The following WDR17 variants were observed in gnomAD, a reference collection of about 807,000 sequenced individuals.
The protein encoded by WDR17 is WD repeat-containing protein 17.
WDR17 carries 143 observed loss-of-function variants against 161.7 expected under a neutral mutation model. That is an observed-to-expected ratio of 0.88 (90% CI 0.77 to 1.02). The LOEUF (loss-of-function observed/expected upper bound fraction) is 1.02. Among genes scored for constraint, WDR17 ranks in the 50% least tolerant of loss-of-function variants. WDR17 has a pLI of 0.00. For synonymous variants in WDR17, 517 were observed against 515.6 expected, an observed-to-expected ratio of 1.00 and a Z score of -0.04; for missense variants, 1,469 against 1,520.9, an observed-to-expected ratio of 0.97 and a Z score of 0.57.
At chr4:176,106,793 C>A (rs1331837176) in intron 1 of WDR17, among the ~76,000 whole-genome samples, 1 of 151,978 alleles carries the variant, frequency 6.6e-6, no homozygotes, top group African/African-American at 2.4e-5. Flanking sequence ...GTTTCAACAA[C>A]AACAGAAAAT....
intron 1 of WDR17, among the ~76,000 whole-genome samples, chr4:176,078,698 TCTA>T (rs1561069580): frequency 2.0e-5 from 3 of 152,104 alleles, no homozygotes; most frequent in Admixed American, 6.6e-5. Flanking sequence ...TCTCTCCAAT[TCTA>T]CTCATATTTT....
intron 23 of WDR17, among the ~76,000 whole-genome samples, chr4:176,171,901 G>T (rs1185544211): frequency 6.6e-6 from 1 of 151,978 alleles, no homozygotes; most frequent in Non-Finnish European, 1.5e-5. Context: ...CATTTTTTGT[G>T]TCTCTGAAAT....
chr4:176,120,022 T>C lies in WDR17; in HGVS notation c.463T>C (p.Phe155Leu). The change falls in exon 4 of 29, where the codon TTC (phenylalanine) becomes CTC (leucine). Residue 155 changes from phenylalanine (F) to leucine (L), a missense_variant. By Grantham distance (22) the Phe-to-Leu change is conservative. Transcript: ENST00000508596. Reference protein sequence around the residue: ...AHSFLSDICMFRWHTHQKGKV... With the variant: ...AHSFLSDICMLRWHTHQKGKV... Reference sequence around the variant, plus strand: ...TAGCTTCTTGTCTGATATCTGTATGTTCAGATGGCATACACACCAAAAGGG... The same window carrying C: ...TAGCTTCTTGTCTGATATCTGTATGCTCAGATGGCATACACACCAAAAGGG... The C allele has an allele frequency of 6.2e-7, 1 of 1,614,078 alleles. No individual in the cohort carries two copies. The highest frequency in any genetic ancestry group is 8.5e-7 in the Non-Finnish European group (1 of 1,179,984).
rs922470122 is a variant in WDR17, at chr4:176,078,213, A to G, written c.-7+12134A>G. Among the ~76,000 whole-genome samples the G allele has an allele frequency of 4.6e-5, 7 of 152,176 alleles. No homozygotes were observed. In the East Asian group the frequency reaches 7.7e-4, roughly 17 times the overall value. On this transcript the variant is annotated intron_variant, in intron 1 of 28. Transcript: ENST00000508596. ...AGTGGATTGTTTTTAGTTTTTGACT[A>G]TTATAAATAAATGTTTGAATATTTA...
chr4:176,162,300 A>G, intron 21 of WDR17, 126 bp downstream of exon 21: 2 of 702,250 alleles, frequency 2.8e-6, no homozygotes, highest in South Asian at 4.0e-5. Flanking sequence ...AGCCTGAGTA[A>G]TTAAGTAATT....
chr4:176,107,836 T>TCCTTCCTTC (rs1290897159), intron 1 of WDR17, among the ~76,000 whole-genome samples: 24 of 151,490 alleles, frequency 1.6e-4, no homozygotes, highest in South Asian at 6.3e-4. Flanking sequence ...TTCCTTCCTT[T>TCCTTCCTTC]CCTTCCTTCC....
At chr4:176,119,829 T>C (rs760532137) in intron 3 of WDR17, 38 bp from the exon 4 acceptor site, 2 of 1,549,320 alleles carry the variant, frequency 1.3e-6, no homozygotes, top group South Asian at 2.2e-5. Context: ...AATCTTATGC[T>C]GTATCTTTAT....
intron 1 of WDR17, among the ~76,000 whole-genome samples, chr4:176,082,847 AT>A (rs70962449): frequency 0.065 from 9,840 of 152,220 alleles, 439 homozygotes; most frequent in Non-Finnish European, 0.094. Flanking sequence ...AATAGCAAAG[AT>A]GAAGATGAAT....
At position 176,167,607 on chromosome 4, in the gene WDR17, A is replaced by G. The variant is rs1006070712; in HGVS notation, c.2991-1065A>G. Among the ~76,000 whole-genome samples the G allele has an allele frequency of 8.6e-5, 11 of 127,442 alleles. No homozygotes were observed. The Admixed American group carries it at 9.5e-4, about 11-fold the overall frequency. 83.6% of individuals were successfully genotyped at this position (127,442 alleles called of 152,430 possible). ...GCCTGCAGTGAGCCGAGATTGCGCCACTGCACTCCAGCCTGGGCGACAGCG... is the reference window on the plus strand; with the variant it reads ...GCCTGCAGTGAGCCGAGATTGCGCCGCTGCACTCCAGCCTGGGCGACAGCG... On this transcript the variant is annotated intron_variant, in intron 22 of 28. Transcript: ENST00000508596.
rs370421308 is a variant in WDR17, at chr4:176,130,652, A to G, written c.914-902A>G. On this transcript the variant is annotated intron_variant, in intron 6 of 28. Transcript: ENST00000508596. The stretch of plus-strand genomic sequence containing the variant: ...CCCAGCTACTGGGGAGGCTGAGGCA[A>G]GAGAATGGCGTCAACCTGGGAGGCG... Among the ~76,000 whole-genome samples the G allele has an allele frequency of 7.9e-3, 1,194 of 151,534 alleles. 7 individuals are homozygous for G. The highest frequency in any genetic ancestry group is 0.031 in the Middle Eastern group (9 of 294).
chr4:176,149,125 C>A (rs1162574853), intron 13 of WDR17, among the ~76,000 whole-genome samples: 2 of 152,186 alleles, frequency 1.3e-5, no homozygotes, highest in Non-Finnish European at 2.9e-5. Context: ...CATCCACTAA[C>A]TCACAGATAC....
chr4:176,173,715 C>T (rs573936726), intron 25 of WDR17, among the ~76,000 whole-genome samples: 3 of 152,028 alleles, frequency 2.0e-5, no homozygotes, highest in African/African-American at 7.2e-5. Flanking sequence ...CGGGGTTTTA[C>T]CATGTTGGCC....
chr4:176,127,636 T>G (rs1742672196), intron 5 of WDR17, among the ~76,000 whole-genome samples: 1 of 152,230 alleles, frequency 6.6e-6, no homozygotes, highest in Non-Finnish European at 1.5e-5. Flanking sequence ...TTACTATTAC[T>G]GAAATATGCT....
chr4:176,099,769 G>T (rs1314235354), intron 1 of WDR17, among the ~76,000 whole-genome samples: 2 of 151,876 alleles, frequency 1.3e-5, no homozygotes, highest in East Asian at 1.9e-4. Flanking sequence ...AGTCTCCCTT[G>T]TCTAACATTC....
chr4:176,067,697 A>G (rs2126531824), intron 1 of WDR17, among the ~76,000 whole-genome samples: 1 of 152,328 alleles, frequency 6.6e-6, no homozygotes, highest in East Asian at 1.9e-4. Flanking sequence ...CCAGAAAAAC[A>G]ATGCTCCCAG....
intron 17 of WDR17, among the ~76,000 whole-genome samples, chr4:176,153,030 G>A (rs1263092192): frequency 2.0e-5 from 3 of 150,858 alleles, no homozygotes; most frequent in Non-Finnish European, 4.4e-5. Flanking sequence ...TTATCAAAGT[G>A]TTCCAGGACA....
chr4:176,165,307 T>C (rs996010373), intron 22 of WDR17, among the ~76,000 whole-genome samples: 1 of 152,176 alleles, frequency 6.6e-6, no homozygotes, highest in Non-Finnish European at 1.5e-5. Context: ...CGATGGAGGT[T>C]GCAGTCAGCC....
chr4:176,125,306 A>C lies in WDR17; in HGVS notation c.741A>C (p.Val247=). Residue 247 remains valine, a synonymous_variant, in exon 5 of 29, where the codon GTA becomes GTC. Coordinates refer to ENST00000508596, the MANE Select transcript of WDR17 (RefSeq NM_181265.4). The part of the protein sequence containing the change: ...TFNLPSAAAS[V]QCLAWVPSAP... ...ATCTTCCCAGTGCAGCAGCTTCTGTACAGTGCTTAGCCTGGGTTCCCAGTG... is the reference window on the plus strand; with the variant it reads ...ATCTTCCCAGTGCAGCAGCTTCTGTCCAGTGCTTAGCCTGGGTTCCCAGTG... 6.2e-7 allele frequency: 1 copy of C among 1,614,150 alleles called. No homozygotes were observed. The highest frequency in any genetic ancestry group is 8.5e-7 in the Non-Finnish European group (1 of 1,180,016).
intron 22 of WDR17, chr4:176,166,036 G>A: frequency 1.5e-6 from 1 of 667,656 alleles, no homozygotes; most frequent in Non-Finnish European, 2.4e-6. Flanking sequence ...GCTATAAACA[G>A]CGCTTTTTTT....
Sources: allele counts gnomAD v4.1 joint callset (sites outside exome capture counted in the v4.1 genomes callset), GRCh38; gene constraint gnomAD v4.1.1; transcripts MANE v1.5; gene names NCBI Gene and HGNC (gene_info 2026-07-23, HGNC 2026-07-21).